The following CDH2 variants were observed in gnomAD, a reference collection of about 807,000 sequenced individuals.
CDH2 encodes the protein cadherin-2.
A neutral mutation model predicts 92.0 loss-of-function variants in CDH2; 17 were observed. The ratio of observed to expected loss-of-function variants is 0.18; its 90% CI spans 0.13 to 0.28. The LOEUF is 0.28. CDH2 is among the 10% of genes least tolerant of loss of function. CDH2 has a pLI of 1.00. For missense variants in CDH2, 862 were observed against 1,133.1 expected (o/e 0.76, Z 3.44); for synonymous variants, 419 against 415.9 (o/e 1.01, Z -0.09).
At chr18:28,104,190 T>A (rs534807943) in intron 2 of CDH2, among the ~76,000 whole-genome samples, 3 of 152,290 alleles carry the variant, frequency 2.0e-5, no homozygotes, top group Admixed American at 6.5e-5. Flanking sequence ...AACACTCTTA[T>A]CAAAAATTTC....
At chr18:27,997,749 G>A (rs1393721939) in intron 7 of CDH2, among the ~76,000 whole-genome samples, 1 of 152,074 alleles carries the variant, frequency 6.6e-6, no homozygotes, top group South Asian at 2.1e-4. Flanking sequence ...TGGGGACAGA[G>A]AGTTGAATAA....
chr18:28,044,787 A>C (rs1002742458), intron 2 of CDH2, among the ~76,000 whole-genome samples: 2 of 152,120 alleles, frequency 1.3e-5, no homozygotes, highest in African/African-American at 4.8e-5. Context: ...TCAAAAAAAA[A>C]ATGAAGATAA....
intron 1 of CDH2, among the ~76,000 whole-genome samples, chr18:28,151,747 G>A (rs924918120): frequency 2.6e-5 from 4 of 152,224 alleles, no homozygotes; most frequent in Non-Finnish European, 5.9e-5. Context: ...GGTATGAGGA[G>A]GAGGTTGTGA....
downstream of CDH2, among the ~76,000 whole-genome samples, chr18:27,948,566 T>A (rs1348388): frequency 6.6e-6 from 1 of 151,584 alleles, no homozygotes; most frequent in South Asian, 2.1e-4. Flanking sequence ...CAAAAGATCA[T>A]GAAAAAATGC....
intron 2 of CDH2, among the ~76,000 whole-genome samples, chr18:28,087,504 C>T (rs964803773): frequency 3.3e-5 from 5 of 152,088 alleles, no homozygotes; most frequent in Admixed American, 6.6e-5. Flanking sequence ...GGCATCGTGC[C>T]GTCCTGAAAT....
chr18:28,075,582 A>C (rs1242581864), intron 2 of CDH2, among the ~76,000 whole-genome samples: 1 of 152,174 alleles, frequency 6.6e-6, no homozygotes, highest in Non-Finnish European at 1.5e-5. Flanking sequence ...AGGGTCATCT[A>C]ATTTTCCAAG....
At chr18:28,007,165 A>AATATATATATATATAT (rs1555632742) in intron 5 of CDH2, among the ~76,000 whole-genome samples, 4 of 110,432 alleles carry the variant, frequency 3.6e-5, no homozygotes, top group African/African-American at 1.3e-4. Flanking sequence ...ATAAAAAAAA[A>AATATATATATATATAT]ATATATATAT....
rs1437680602 is a variant in CDH2 at position 28,166,832 on chromosome 18, CA to C, written c.60+10130del. 2.0e-5 allele frequency among the ~76,000 whole-genome samples: 3 copies of C among 152,196 alleles called. No homozygotes were observed. The South Asian group carries it at 6.2e-4, about 32-fold the overall frequency. On this transcript the variant is annotated intron_variant, in intron 1 of 15. Transcript: ENST00000269141. ...CATTATGCATGGAAGCCTCTACCAA[CA>C]ATCTAGAGCTACTAAACCATTATAA... is the stretch of plus-strand genomic sequence containing the variant.
intron 14 of CDH2, among the ~76,000 whole-genome samples, chr18:27,974,113 C>CT (rs1411713626): frequency 6.6e-6 from 1 of 152,152 alleles, no homozygotes; most frequent in African/African-American, 2.4e-5. Flanking sequence ...TTCTCTCTCT[C>CT]TTTTTTTCTC....
chr18:28,036,627 GA>G (rs2013837122), intron 2 of CDH2: 1 of 1,000,964 alleles, frequency 1.0e-6, no homozygotes, highest in East Asian at 2.4e-5. Flanking sequence ...TGAAAGCAGG[GA>G]TAAAGTTCTT....
At position 28,033,154 on chromosome 18, in the gene CDH2, C is replaced by T. The variant is rs17522749; in HGVS notation, c.173-19245G>A. Among the ~76,000 whole-genome samples the T allele has an allele frequency of 4.1e-3, 617 of 151,996 alleles. 3 individuals carry two copies. The highest frequency in any genetic ancestry group is 0.014 in the African/African-American group (565 of 41,466). On this transcript the variant is annotated intron_variant, in intron 2 of 15. Transcript: ENST00000269141. ...GCTTCGGAATAAACAGGGGCATGGA[C>T]GCCAGGCAGTGATGGTACATTCACA...
chr18:28,122,102 C>G (rs2015598129), intron 2 of CDH2, among the ~76,000 whole-genome samples: 1 of 152,124 alleles, frequency 6.6e-6, no homozygotes, highest in Non-Finnish European at 1.5e-5. Flanking sequence ...AGGCTCCTTT[C>G]TCTTCCTGGT....
intron 13 of CDH2, among the ~76,000 whole-genome samples, chr18:27,983,459 T>C (rs1238502894): frequency 1.3e-5 from 2 of 152,230 alleles, no homozygotes; most frequent in African/African-American, 2.4e-5. Context: ...AAAACAGCAG[T>C]AAGGTGTTAC....
At position 27,963,521 on chromosome 18, in the gene CDH2, C is replaced by T. The variant is rs1419936790; in HGVS notation, c.2350G>A (p.Asp784Asn). Reference protein sequence around the residue: ...DEEGGGEEDQDYDLSQLQQPD... With the variant: ...DEEGGGEEDQNYDLSQLQQPD... Reference sequence around the variant, plus strand: ...TGCTGCAGCTGGCTCAAGTCATAGTCCTGCAAAAAGACAAAATCAAAAACC... The same window carrying T: ...TGCTGCAGCTGGCTCAAGTCATAGTTCTGCAAAAAGACAAAATCAAAAACC... The change falls in exon 15 of 16, where the codon GAC becomes AAC. Residue 784 changes from aspartate (D) to asparagine (N), a missense_variant and splice_region_variant. By Grantham distance (23) the Asp-to-Asn change is conservative. Coordinates refer to ENST00000269141, the MANE Select transcript of CDH2 (RefSeq NM_001792.5). The T allele has an allele frequency of 6.2e-7, 1 of 1,613,264 alleles. No homozygotes were observed. Among genetic ancestry groups the T allele is most frequent in the East Asian group, 2.2e-5 (1 of 44,860 alleles).
At chr18:28,061,328 C>A (rs1218994968) in intron 2 of CDH2, among the ~76,000 whole-genome samples, 1 of 152,172 alleles carries the variant, frequency 6.6e-6, no homozygotes, top group African/African-American at 2.4e-5. Context: ...GTACTTCCCT[C>A]TTCTGTGCTG....
intron 2 of CDH2, among the ~76,000 whole-genome samples, chr18:28,066,205 C>T (rs944318768): frequency 3.3e-5 from 5 of 152,066 alleles, no homozygotes; most frequent in Non-Finnish European, 7.4e-5. Flanking sequence ...ATTTCAATTG[C>T]ACACAGGAAG....
At chr18:28,169,516 A>G (rs1249376696) in intron 1 of CDH2, among the ~76,000 whole-genome samples, 71 of 152,180 alleles carry the variant, frequency 4.7e-4, no homozygotes, top group Non-Finnish European at 1.3e-4. Flanking sequence ...TAATCCACCC[A>G]AACATTAAGT....
rs1445640526 is a variant in CDH2 at position 28,177,081 on chromosome 18, C to CGGCGGCGGCGGA, written c.-60_-59insTCCGCCGCCGCC. On this transcript the variant is annotated 5_prime_UTR_variant, in exon 1 of 16. Coordinates refer to ENST00000269141, the MANE Select transcript of CDH2 (RefSeq NM_001792.5). ...GAGGCGGCGGCGGCGGCGGCGGCGGCGGAGGAGGAGGAGGCAGCGGCAGCA... is the reference window on the plus strand; with the variant it reads ...GAGGCGGCGGCGGCGGCGGCGGCGGCGGCGGCGGCGGAGGAGGAGGAGGAGGCAGCGGCAGCA... 9.0e-5 allele frequency: 95 copies of CGGCGGCGGCGGA among 1,053,250 alleles called. No individual in the cohort carries two copies. The African/African-American group carries it at 1.3e-3, about 15-fold the overall frequency. The allele number at this position is 1,053,250 out of a possible 1,614,324, so 65.2% of individuals were successfully genotyped here. A position where few individuals can be genotyped will look rare whatever the true frequency, so the allele number is the denominator to read the frequency against.
intron 2 of CDH2, chr18:28,045,334 A>G: frequency 2.3e-6 from 1 of 442,916 alleles, no homozygotes; most frequent in South Asian, 1.7e-5. Flanking sequence ...GCTGATGAAT[A>G]AGTCTTTGTA....
Sources: allele counts gnomAD v4.1 joint callset (sites outside exome capture counted in the v4.1 genomes callset), GRCh38; gene constraint gnomAD v4.1.1; transcripts MANE v1.5; gene names NCBI Gene and HGNC (gene_info 2026-07-23, HGNC 2026-07-21).